The following NRG2 variants were observed in gnomAD, a reference collection of about 807,000 sequenced individuals.
The protein encoded by NRG2 is pro-neuregulin-2, membrane-bound isoform.
Under a neutral mutation model 73.9 loss-of-function variants are expected in NRG2, and 27 were observed. That is an observed-to-expected ratio of 0.37 (90% CI 0.27 to 0.50). The LOEUF (loss-of-function observed/expected upper bound fraction) is 0.50, where lower values mean the gene tolerates loss of function less well. Ranked by LOEUF, NRG2 falls within the 20% of genes least tolerant of loss-of-function variation. NRG2 has a pLI of 0.96. For synonymous variants in NRG2, 532 were observed against 541.0 expected (o/e 0.98, Z 0.23); for missense variants, 1,126 against 1,210.1 (o/e 0.93, Z 1.03).
In NRG2 at chr5:139,852,880, G is replaced by C. The variant is rs966279202; in HGVS notation, c.1416+24C>G. On this transcript the variant is annotated intron_variant, in intron 7 of 9. Coordinates refer to ENST00000361474, the MANE Select transcript of NRG2 (RefSeq NM_004883.3). This position sits in a 1 kb window ranked among gnomAD's most constrained non-coding sequence, Gnocchi z 4.4. ...CTGGCTGTCCACTGAGGGCTCAGAA[G>C]GGGGCCCCAGGAAAGCCACTCACAT... The C allele has an allele frequency of 1.2e-6, 2 of 1,612,832 alleles. No individual in the cohort carries two copies. The highest frequency in any genetic ancestry group is 2.7e-5 in the African/African-American group (2 of 74,872).
intron 1 of NRG2, among the ~76,000 whole-genome samples, chr5:140,024,557 A>G (rs1301889929): frequency 1.3e-5 from 2 of 152,110 alleles, no homozygotes. Flanking sequence ...CCCCGGCCAG[A>G]GTAAAGTGAT....
intron 1 of NRG2, among the ~76,000 whole-genome samples, chr5:139,959,223 G>A (rs561456758): frequency 7.2e-5 from 11 of 152,188 alleles, no homozygotes; most frequent in African/African-American, 2.4e-4. Flanking sequence ...TCTTTGATAC[G>A]GAGTCTTGCT....
Position 140,042,901 on chromosome 5 carries a change from A to G in NRG2, c.169T>C (p.Ser57Pro). 6.5e-7 allele frequency: 1 copy of G among 1,526,940 alleles called. No individual in the cohort carries two copies. Among genetic ancestry groups the G allele is most frequent in the Non-Finnish European group, 8.8e-7 (1 of 1,137,740 alleles). The allele number at this position is 1,526,940 out of a possible 1,614,324, so 94.6% of individuals were successfully genotyped here. Residue 57 changes from serine to proline, a missense_variant, in exon 1 of 10, where the codon TCT becomes CCT. Around this residue, in one of 3 missense-constraint regions of NRG2, gnomAD observed 185 missense variants for 149.0 expected, o/e 1.24. Coordinates refer to ENST00000361474, the MANE Select transcript of NRG2 (RefSeq NM_004883.3). Reference protein sequence around the residue: ...SRSSSNNSSISRPAAPPEPRP... With the variant: ...SRSSSNNSSIPRPAAPPEPRP... ...GGCTCTGGGGGCGCAGCGGGACGAGAGATGCTGCTGTTGTTGCTGCTGCTC... is the reference window on the plus strand; with the variant it reads ...GGCTCTGGGGGCGCAGCGGGACGAGGGATGCTGCTGTTGTTGCTGCTGCTC...
chr5:139,907,772 T>G (rs2436587), intron 1 of NRG2, among the ~76,000 whole-genome samples: 2,439 of 151,872 alleles, frequency 0.016, 69 homozygotes, highest in African/African-American at 0.056. Context: ...TTGATGGGGG[T>G]CAGGTGAGAG....
intron 4 of NRG2, 148 bp downstream of exon 4, chr5:139,871,573 C>T: frequency 1.0e-6 from 1 of 1,004,942 alleles, no homozygotes; most frequent in Non-Finnish European, 1.5e-6. Flanking sequence ...CAGGAAAGGG[C>T]TAGGAAGTAG....
At chr5:140,038,797 G>A (rs144688781) in intron 1 of NRG2, among the ~76,000 whole-genome samples, 7 of 152,286 alleles carry the variant, frequency 4.6e-5, no homozygotes, top group Non-Finnish European at 8.8e-5. Flanking sequence ...ATGACATTAG[G>A]GTGGTAATTC....
At chr5:139,912,298 G>A (rs1750891143) in intron 1 of NRG2, among the ~76,000 whole-genome samples, 1 of 151,814 alleles carries the variant, frequency 6.6e-6, no homozygotes, top group African/African-American at 2.4e-5. Context: ...TAGCATTTAT[G>A]AGCCCAGAGG....
intron 3 of NRG2, among the ~76,000 whole-genome samples, chr5:139,880,404 G>C (rs1309468332): frequency 6.6e-6 from 1 of 152,094 alleles, no homozygotes; most frequent in Admixed American, 6.5e-5. Flanking sequence ...GCCACCAGGG[G>C]CCCCAGGCAT....
chr5:139,971,056 C>T (rs906976985), intron 1 of NRG2, among the ~76,000 whole-genome samples: 9 of 152,084 alleles, frequency 5.9e-5, no homozygotes, highest in African/African-American at 2.2e-4. Flanking sequence ...CCTGTTTGCT[C>T]AACCTCAGTT....
rs1298487850 is a variant in NRG2, at chr5:139,848,102, C to T, written c.2368G>A (p.Ala790Thr). The change falls in exon 10 of 10, where the codon GCC becomes ACC. Residue 790 changes from alanine (A) to threonine (T), a missense_variant. Physicochemically the swap from Ala to Thr is moderately conservative, Grantham distance 58. Transcript: ENST00000361474. Reference protein sequence around the residue: ...DADDADGALAAESTPFLGLRG... With the variant: ...DADDADGALATESTPFLGLRG... ...AGGCCCAGGAAAGGTGTGCTCTCGGCCGCCAGCGCCCCGTCCGCGTCGTCC... is the reference window on the plus strand; with the variant it reads ...AGGCCCAGGAAAGGTGTGCTCTCGGTCGCCAGCGCCCCGTCCGCGTCGTCC... 188 of 1,478,526 alleles carry T rather than the reference C, an allele frequency of 1.3e-4. No homozygotes were observed. The highest frequency in any genetic ancestry group is 7.0e-4 in the Middle Eastern group (3 of 4,292). 91.6% of individuals were successfully genotyped at this position (1,478,526 alleles called of 1,614,324 possible).
intron 1 of NRG2, among the ~76,000 whole-genome samples, chr5:139,919,833 AAC>A (rs1561680164): frequency 6.6e-6 from 1 of 152,250 alleles, no homozygotes; most frequent in African/African-American, 2.4e-5. Flanking sequence ...TTGTAAATAA[AAC>A]ACAGCAATTG....
chr5:139,859,870 A>G (rs371305811), intron 5 of NRG2: 1 of 1,611,660 alleles, frequency 6.2e-7, no homozygotes, highest in African/African-American at 1.3e-5. Flanking sequence ...GTGCTGAGTG[A>G]CACACAGAGG....
Position 139,861,946 on chromosome 5 carries a change from C to G in NRG2, c.1189+3603G>C, listed in dbSNP as rs148379788. Among the ~76,000 whole-genome samples the G allele has an allele frequency of 5.3e-5, 8 of 152,298 alleles. No individual in the cohort carries two copies. In the South Asian group the frequency reaches 1.5e-3, roughly 28 times the overall value. ...TAGAGCTGGTCTGGGCCCCACTTTC[C>G]GACGAGGTGGTTGTATTAGATGAGG... is the stretch of plus-strand genomic sequence containing the variant. On this transcript the variant is annotated intron_variant, in intron 5 of 9. Coordinates refer to ENST00000361474, the MANE Select transcript of NRG2 (RefSeq NM_004883.3).
At chr5:139,850,149 A>G (rs1761319406) in intron 9 of NRG2, among the ~76,000 whole-genome samples, 1 of 152,224 alleles carries the variant, frequency 6.6e-6, no homozygotes, top group African/African-American at 2.4e-5. Context: ...TGCTGTGGTT[A>G]CGATTCATAA....
At chr5:139,920,567 T>G (rs1241563305) in intron 1 of NRG2, among the ~76,000 whole-genome samples, 1 of 152,094 alleles carries the variant, frequency 6.6e-6, no homozygotes, top group Non-Finnish European at 1.5e-5. Context: ...ATTAGTTTCT[T>G]GAGAGTAGGG....
chr5:139,851,279 G>T lies in NRG2; in HGVS notation c.1772+325C>A, dbSNP rs73791204. ...TGGGATTACAGGTGTGAGCCACCGC[G>T]CCCGGCTGCCTGTTTGTTCTTGATG... On this transcript the variant is annotated intron_variant, in intron 9 of 9. Transcript: ENST00000361474. The surrounding 1 kb of genome is among the most constrained non-coding windows in gnomAD (Gnocchi z 4.2). Among the ~76,000 whole-genome samples, 3,649 of 152,210 alleles carry T rather than the reference G, an allele frequency of 0.024. 140 individuals carry two copies. The highest frequency in any genetic ancestry group is 0.083 in the African/African-American group (3,438 of 41,528).
At position 139,865,134 on chromosome 5, in the gene NRG2, G is replaced by A. The variant is rs114981124; in HGVS notation, c.1189+415C>T. 588 of 1,613,758 alleles carry A rather than the reference G, an allele frequency of 3.6e-4. No individual in the cohort carries two copies. Among genetic ancestry groups the A allele is most frequent in the Non-Finnish European group, 4.7e-4 (555 of 1,179,674 alleles). The stretch of plus-strand genomic sequence containing the variant: ...ACATACTGGAGAAGTTGACCATTGC[G>A]AACTGCTGACACCTGTCCCCGGTGT... On this transcript the variant is annotated intron_variant, in intron 5 of 9. Coordinates refer to ENST00000361474, the MANE Select transcript of NRG2 (RefSeq NM_004883.3). This position sits in a 1 kb window ranked among gnomAD's most constrained non-coding sequence, Gnocchi z 5.2.
At chr5:139,929,778 T>C (rs1428540886) in intron 1 of NRG2, among the ~76,000 whole-genome samples, 2 of 152,214 alleles carry the variant, frequency 1.3e-5, no homozygotes, top group Non-Finnish European at 2.9e-5. Flanking sequence ...GTCTGACTCC[T>C]TCCTCTGGCT....
intron 1 of NRG2, among the ~76,000 whole-genome samples, chr5:140,009,598 AC>A (rs1759191769): frequency 6.6e-6 from 1 of 152,206 alleles, no homozygotes; most frequent in Non-Finnish European, 1.5e-5. Flanking sequence ...AAGTGGCTGT[AC>A]CATTTTGCAT....
Sources: gnomAD v4.1 joint callset for allele counts (sites outside exome capture counted in the v4.1 genomes callset) on GRCh38, gnomAD v4.1.1 for gene constraint, gnomAD v4.1.1 regional missense constraint, Gnocchi (gnomAD v3.1) non-coding constraint, MANE v1.5 for transcripts, NCBI Gene and HGNC (gene_info 2026-07-23, HGNC 2026-07-21) for gene names.